Variants in AGAP1 observed in about 807,000 individuals in gnomAD.
The protein encoded by AGAP1 is arf-GAP with GTPase, ANK repeat and PH domain-containing protein 1.
In AGAP1, 29 loss-of-function variants were observed where a neutral mutation model predicts 105.3. The ratio of observed to expected loss-of-function variants is 0.28; its 90% confidence interval spans 0.21 to 0.38. AGAP1 has a LOEUF of 0.38. Among genes scored for constraint, AGAP1 ranks in the 10% least tolerant of loss-of-function variants. The pLI, the probability that AGAP1 is intolerant of heterozygous loss-of-function variation, is 1.00. For synonymous variants in AGAP1, 509 were observed against 485.9 expected (o/e 1.05, Z -0.63); for missense variants, 998 against 1,165.1 (o/e 0.86, Z 2.09).
At position 236,051,553 on chromosome 2, in the gene AGAP1, G is replaced by T. The variant is rs12618725; in HGVS notation, c.2114+2272G>T. ...GGCCTCGGTGGATGCAGGCTCGGCCGGGCCTGTGGGGAGGTGTGCCTGTCG... is the reference window on the plus strand; with the variant it reads ...GGCCTCGGTGGATGCAGGCTCGGCCTGGCCTGTGGGGAGGTGTGCCTGTCG... On this transcript the variant is annotated intron_variant, in intron 16 of 17. Coordinates refer to ENST00000304032, the MANE Select transcript of AGAP1 (RefSeq NM_001037131.3). This position sits in a 1 kb window ranked among gnomAD's most constrained non-coding sequence, Gnocchi z 5.9. 3.3e-5 allele frequency among the ~76,000 whole-genome samples: 5 copies of T among 151,980 alleles called. No individual in the cohort carries two copies. The highest frequency in any genetic ancestry group is 7.4e-5 in the Non-Finnish European group (5 of 67,988).
Position 236,035,044 on chromosome 2 carries a change from C to T in AGAP1, c.1646-1517C>T, listed in dbSNP as rs186195864. On this transcript the variant is annotated intron_variant, in intron 13 of 17. Transcript: ENST00000304032. The surrounding 1 kb of genome is among the most constrained non-coding windows in gnomAD (Gnocchi z 4.2). ...ACGTCCTCACGTCCCAGGCTGCAGG[C>T]GCATTGTGAGGAAGGGCCTGGGAGA... 1.3e-5 allele frequency among the ~76,000 whole-genome samples: 2 copies of T among 152,220 alleles called. No individual in the cohort carries two copies. The highest frequency in any genetic ancestry group is 2.4e-5 in the African/African-American group (1 of 41,526).
chr2:235,652,212 G>A (rs1352733029), intron 1 of AGAP1, among the ~76,000 whole-genome samples: 1 of 152,122 alleles, frequency 6.6e-6, no homozygotes, highest in Non-Finnish European at 1.5e-5. Flanking sequence ...TGAATGTCCT[G>A]TGTCCCTCTG....
intron 10 of AGAP1, among the ~76,000 whole-genome samples, chr2:235,902,121 A>G (rs1197222880): frequency 3.9e-5 from 6 of 152,188 alleles, no homozygotes; most frequent in African/African-American, 1.4e-4. Flanking sequence ...TTTGATACCC[A>G]GTTTGGTGTA....
chr2:236,039,693 G>A (rs1326264173), intron 14 of AGAP1, among the ~76,000 whole-genome samples: 2 of 152,196 alleles, frequency 1.3e-5, no homozygotes, highest in Non-Finnish European at 2.9e-5. Context: ...GTATGTGACA[G>A]CAGTGAGCAA....
intron 1 of AGAP1, among the ~76,000 whole-genome samples, chr2:235,640,421 A>G (rs1450929378): frequency 1.3e-5 from 2 of 152,226 alleles, no homozygotes; most frequent in African/African-American, 4.8e-5. Context: ...AATCTCAGAA[A>G]AAGAAGGAAG....
intron 9 of AGAP1, among the ~76,000 whole-genome samples, chr2:235,834,411 C>T (rs888826923): frequency 2.0e-5 from 3 of 152,184 alleles, no homozygotes; most frequent in African/African-American, 7.2e-5. Context: ...CATCCTCTGT[C>T]CCTGCCTGCT....
intron 1 of AGAP1, among the ~76,000 whole-genome samples, chr2:235,707,669 G>A (rs529990169): frequency 5.7e-5 from 4 of 70,582 alleles, no homozygotes; most frequent in African/African-American, 1.2e-4. Context: ...CTCCCCCGGC[G>A]TGTGACTTGG....
chr2:235,969,336 CATT>C (rs1166035470), intron 13 of AGAP1, among the ~76,000 whole-genome samples: 3 of 151,894 alleles, frequency 2.0e-5, no homozygotes, highest in Admixed American at 6.6e-5. Context: ...ACACCCCCCA[CATT>C]ATGAGAGGTA....
At chr2:235,533,750 C>T (rs1039730698) in intron 1 of AGAP1, among the ~76,000 whole-genome samples, 2 of 152,226 alleles carry the variant, frequency 1.3e-5, no homozygotes, top group East Asian at 3.9e-4. Context: ...GGAGCTGTTA[C>T]TGCTCCTGTC....
At chr2:235,580,744 C>A (rs1944903784) in intron 1 of AGAP1, among the ~76,000 whole-genome samples, 1 of 152,048 alleles carries the variant, frequency 6.6e-6, no homozygotes, top group South Asian at 2.1e-4. Flanking sequence ...AGATGACAGT[C>A]AGCAATTGCA....
chr2:235,585,921 C>G (rs1360001752), intron 1 of AGAP1, among the ~76,000 whole-genome samples: 1 of 152,122 alleles, frequency 6.6e-6, no homozygotes, highest in Non-Finnish European at 1.5e-5. Flanking sequence ...CCGGTGAATC[C>G]TGCATGGATT....
Position 236,035,385 on chromosome 2 carries a change from G to T in AGAP1, c.1646-1176G>T, listed in dbSNP as rs1470842216. On this transcript the variant is annotated intron_variant, in intron 13 of 17. Coordinates refer to ENST00000304032, the MANE Select transcript of AGAP1 (RefSeq NM_001037131.3). The surrounding 1 kb of genome is among the most constrained non-coding windows in gnomAD (Gnocchi z 4.2). ...TGCAGTGGCTCACACTTGTCACTCA[G>T]CACTTTGGGAGGCCAAGGAGTGAGG... Among the ~76,000 whole-genome samples, 1 of 152,170 alleles carries T rather than the reference G, an allele frequency of 6.6e-6. No homozygotes were observed. Among genetic ancestry groups the T allele is most frequent in the African/African-American group, 2.4e-5 (1 of 41,440 alleles).
intron 1 of AGAP1, among the ~76,000 whole-genome samples, chr2:235,603,380 A>G (rs565626422): frequency 6.6e-6 from 1 of 152,272 alleles, no homozygotes; most frequent in Non-Finnish European, 1.5e-5. Flanking sequence ...AAACGAACTA[A>G]GGCACCTACT....
chr2:235,796,811 C>T (rs1471580922), intron 6 of AGAP1, among the ~76,000 whole-genome samples: 1 of 152,164 alleles, frequency 6.6e-6, no homozygotes, highest in African/African-American at 2.4e-5. Context: ...TATCATTGAA[C>T]TTAATTACTG....
At position 235,601,911 on chromosome 2, in the gene AGAP1, C is replaced by T. The variant is rs538461942; in HGVS notation, c.163+107062C>T. Among the ~76,000 whole-genome samples the T allele has an allele frequency of 6.6e-5, 10 of 152,310 alleles. No individual in the cohort carries two copies. Among genetic ancestry groups the T allele is most frequent in the African/African-American group, 2.2e-4 (9 of 41,562 alleles). ...CCAGGTCACTGCAGTAACCTCTTAGCGGGCCTCCGTGCCCCATCCCAAAAG... is the reference window on the plus strand; with the variant it reads ...CCAGGTCACTGCAGTAACCTCTTAGTGGGCCTCCGTGCCCCATCCCAAAAG... On this transcript the variant is annotated intron_variant, in intron 1 of 17. Transcript: ENST00000304032. This position sits in a 1 kb window ranked among gnomAD's most constrained non-coding sequence, Gnocchi z 4.4.
chr2:235,687,867 T>G (rs892699442), intron 1 of AGAP1, among the ~76,000 whole-genome samples: 4 of 150,890 alleles, frequency 2.7e-5, no homozygotes, highest in African/African-American at 9.7e-5. Flanking sequence ...TCTTTTTTTT[T>G]TGGATTTTTC....
chr2:235,562,535 C>G (rs943657657), intron 1 of AGAP1, among the ~76,000 whole-genome samples: 5 of 151,072 alleles, frequency 3.3e-5, no homozygotes, highest in African/African-American at 1.2e-4. Context: ...AGCAGTCCGG[C>G]TTCTCTCCTT....
chr2:235,717,335 C>T (rs551145387), intron 2 of AGAP1, among the ~76,000 whole-genome samples: 11 of 152,306 alleles, frequency 7.2e-5, no homozygotes, highest in South Asian at 2.1e-4. Context: ...TTGCTGATGC[C>T]GTTGCAGCTG....
chr2:235,819,405 G>A (rs1270508775), intron 9 of AGAP1, among the ~76,000 whole-genome samples: 1 of 152,090 alleles, frequency 6.6e-6, no homozygotes, highest in Non-Finnish European at 1.5e-5. Context: ...GTGAGCCACT[G>A]CGCCTGGCAG....
Sources: allele counts gnomAD v4.1 joint callset (sites outside exome capture counted in the v4.1 genomes callset), GRCh38; gene constraint gnomAD v4.1.1; non-coding constraint Gnocchi (gnomAD v3.1); transcripts MANE v1.5; gene names NCBI Gene and HGNC (gene_info 2026-07-23, HGNC 2026-07-21).